The following ACYP2 variants were observed in gnomAD, a reference collection of about 807,000 sequenced individuals.
ACYP2 encodes acylphosphatase 2.
Under a neutral mutation model 11.2 loss-of-function variants are expected in ACYP2, and 12 were observed. The observed-to-expected ratio is 1.08, with a 90% CI of 0.69 to 1.74. The LOEUF is 1.74. Among genes scored for constraint, ACYP2 ranks in the 40% most tolerant of loss-of-function variants. The pLI is 0.00. For synonymous variants in ACYP2, 43 were observed against 32.2 expected, an observed-to-expected ratio of 1.33 and a Z score of -1.13; for missense variants, 134 against 101.9, an observed-to-expected ratio of 1.31 and a Z score of -1.35.
chr2:54,037,922 T>C (rs2104560080), intron 2 of ACYP2, among the ~76,000 whole-genome samples: 1 of 152,324 alleles, frequency 6.6e-6, no homozygotes, highest in South Asian at 2.1e-4. Context: ...GACTTAGAGC[T>C]AGCAGGTGCT....
intron 4 of ACYP2, among the ~76,000 whole-genome samples, chr2:54,114,562 T>A (rs1035769984): frequency 6.6e-6 from 1 of 152,106 alleles, no homozygotes; most frequent in East Asian, 1.9e-4. Flanking sequence ...CGCATGCCTG[T>A]AATCCCAGCT....
chr2:54,097,366 A>C (rs958680376), intron 4 of ACYP2, among the ~76,000 whole-genome samples: 3 of 152,258 alleles, frequency 2.0e-5, no homozygotes, highest in Admixed American at 6.5e-5. Context: ...GTGTCTACAC[A>C]GTGTCTCATG....
At chr2:54,074,592 G>A (rs1677229680) in intron 4 of ACYP2, among the ~76,000 whole-genome samples, 1 of 143,180 alleles carries the variant, frequency 7.0e-6, no homozygotes, top group African/African-American at 2.6e-5. Flanking sequence ...GTGTGTGTGT[G>A]TGTGTGTGTG....
chr2:54,101,973 G>A (rs1224758893), intron 4 of ACYP2, among the ~76,000 whole-genome samples: 1 of 152,122 alleles, frequency 6.6e-6, no homozygotes, highest in Non-Finnish European at 1.5e-5. Flanking sequence ...TTCACTCTTT[G>A]TATTACAGCT....
chr2:54,172,622 A>G (rs1001297), intron 6 of ACYP2, among the ~76,000 whole-genome samples: 20,225 of 152,048 alleles, frequency 0.13, 3,195 homozygotes, highest in African/African-American at 0.38. Context: ...TTATTATTAT[A>G]CTTTAAGTTC....
chr2:54,256,942 C>T (rs150899347), intron 6 of ACYP2, among the ~76,000 whole-genome samples: 262 of 152,336 alleles, frequency 1.7e-3, no homozygotes, highest in African/African-American at 6.1e-3. Context: ...GCTGGGATTA[C>T]AGGCATGAGC....
chr2:54,302,108 G>A (rs1407894388), intron 6 of ACYP2, among the ~76,000 whole-genome samples: 2 of 152,164 alleles, frequency 1.3e-5, no homozygotes, highest in Non-Finnish European at 2.9e-5. Context: ...ATCTCAACTA[G>A]GTCAATACAT....
At chr2:54,051,273 C>G (rs1675851948) in intron 3 of ACYP2, 1 of 812,718 alleles carries the variant, frequency 1.2e-6, no homozygotes, top group Non-Finnish European at 2.2e-6. Flanking sequence ...TTTGTGCAAA[C>G]TTGTCAGGAA....
intron 4 of ACYP2, among the ~76,000 whole-genome samples, chr2:54,063,055 C>T (rs1676551364): frequency 6.6e-6 from 1 of 152,062 alleles, no homozygotes; most frequent in Non-Finnish European, 1.5e-5. Flanking sequence ...TCCTGGGGAA[C>T]AATGGTAAGC....
intron 4 of ACYP2, among the ~76,000 whole-genome samples, chr2:54,124,196 C>CTT (rs796548629): frequency 4.9e-5 from 7 of 143,176 alleles, no homozygotes; most frequent in Non-Finnish European, 7.7e-5. Context: ...CATATTGAAT[C>CTT]TTTTTTTTTT....
chr2:54,054,885 G>A (rs947644533), intron 3 of ACYP2, among the ~76,000 whole-genome samples: 19 of 152,122 alleles, frequency 1.2e-4, no homozygotes, highest in Admixed American at 7.2e-4. Flanking sequence ...AGAAAGCCAG[G>A]CTAAATAAAT....
chr2:54,118,339 C>A (rs987802725), intron 4 of ACYP2, among the ~76,000 whole-genome samples: 1 of 152,150 alleles, frequency 6.6e-6, no homozygotes, highest in African/African-American at 2.4e-5. Context: ...AGACAAATGG[C>A]AGTAGTGAAG....
intron 6 of ACYP2, among the ~76,000 whole-genome samples, chr2:54,300,126 C>T (rs1689667220): frequency 6.6e-6 from 1 of 152,174 alleles, no homozygotes; most frequent in Non-Finnish European, 1.5e-5. Flanking sequence ...TCTTCTCTTC[C>T]ATACAGAGAA....
chr2:54,081,532 A>T (rs532934721), intron 4 of ACYP2, among the ~76,000 whole-genome samples: 3 of 152,206 alleles, frequency 2.0e-5, no homozygotes, highest in Non-Finnish European at 4.4e-5. Flanking sequence ...AGGAACAATC[A>T]GCTATACCAT....
intron 6 of ACYP2, chr2:54,255,522 C>T (rs1222959768): frequency 1.2e-6 from 2 of 1,613,924 alleles, no homozygotes; most frequent in South Asian, 1.1e-5. Context: ...AGTCCAGTTC[C>T]AGCTGGATGG....
At chr2:53,986,821 C>T (rs1453183401) in intron 2 of ACYP2, among the ~76,000 whole-genome samples, 1 of 151,976 alleles carries the variant, frequency 6.6e-6, no homozygotes, top group East Asian at 1.9e-4. Context: ...AGACCGGTTT[C>T]ACCATCTTGG....
At chr2:53,975,172 C>G in intron 2 of ACYP2, 1 of 390,656 alleles carries the variant, frequency 2.6e-6, no homozygotes, top group East Asian at 3.6e-5. Context: ...TTGCAGTGAG[C>G]TGAGATCACA....
At chr2:54,252,672 G>C (rs60334288) in intron 6 of ACYP2, among the ~76,000 whole-genome samples, 1 of 152,088 alleles carries the variant, frequency 6.6e-6, no homozygotes, top group Non-Finnish European at 1.5e-5. Flanking sequence ...TATGCCAATG[G>C]TCGGGCGGAT....
At chr2:54,083,023 A>G (rs1157522872) in intron 4 of ACYP2, among the ~76,000 whole-genome samples, 1 of 151,942 alleles carries the variant, frequency 6.6e-6, no homozygotes, top group Non-Finnish European at 1.5e-5. Context: ...GTAGTGAGCC[A>G]AGATCATGCC....
Sources: allele counts gnomAD v4.1 joint callset (sites outside exome capture counted in the v4.1 genomes callset), GRCh38; gene constraint gnomAD v4.1.1; transcripts MANE v1.5; gene names NCBI Gene and HGNC (gene_info 2026-07-23, HGNC 2026-07-21).